Variants in NAPA observed in about 807,000 individuals in gnomAD.
NAPA encodes the protein NSF attachment protein alpha.
NAPA carries 18 observed loss-of-function variants against 48.0 expected under a neutral mutation model. That is an observed-to-expected ratio of 0.38 (90% CI 0.26 to 0.56). The LOEUF (loss-of-function observed/expected upper bound fraction) is 0.56, where lower values mean the gene tolerates loss of function less well. NAPA is among the 20% of genes least tolerant of loss of function. The pLI is 0.77. For synonymous variants in NAPA, 152 were observed against 149.9 expected (o/e 1.01, Z -0.10); for missense variants, 315 against 385.0 (o/e 0.82, Z 1.52).
At chr19:47,509,339 TA>T (rs1345180071) in intron 1 of NAPA, among the ~76,000 whole-genome samples, 2,597 of 124,438 alleles carry the variant, frequency 0.021, 35 homozygotes, top group Non-Finnish European at 0.033. Context: ...TAAAATAAAA[TA>T]AAATAAAATA....
chr19:47,489,649 G>A, intron 10 of NAPA, 62 bp downstream of exon 10: 6 of 1,571,950 alleles, frequency 3.8e-6, no homozygotes, highest in Non-Finnish European at 2.6e-6. Flanking sequence ...GTCTGAGAAG[G>A]GCAGCTTTCC....
At chr19:47,503,034 C>T (rs1236894025) in intron 2 of NAPA, among the ~76,000 whole-genome samples, 1 of 152,206 alleles carries the variant, frequency 6.6e-6, no homozygotes, top group African/African-American at 2.4e-5. Context: ...CAAACAGCAG[C>T]CATGATTCAC....
intron 1 of NAPA, among the ~76,000 whole-genome samples, chr19:47,505,106 G>C (rs1448391896): frequency 6.6e-6 from 1 of 152,102 alleles, no homozygotes; most frequent in Non-Finnish European, 1.5e-5. Context: ...CTTAGCCCGC[G>C]AGGTCTGTAG....
At chr19:47,504,556 G>A (rs1400083427) in intron 1 of NAPA, among the ~76,000 whole-genome samples, 1 of 151,924 alleles carries the variant, frequency 6.6e-6, no homozygotes, top group Non-Finnish European at 1.5e-5. Context: ...GGTGTGGGAG[G>A]CAGACTTATT....
Position 47,500,648 on chromosome 19 carries a change from T to G in NAPA, c.280A>C (p.Lys94Gln). The change falls in exon 3 of 11, where the codon AAA becomes CAA. Residue 94 changes from lysine to glutamine, a missense_variant. Lys to Gln is a moderately conservative substitution (Grantham distance 53). Around this residue, in one of 3 missense-constraint regions of NAPA, gnomAD observed 173 missense variants for 213.5 expected, o/e 0.81. Transcript: ENST00000263354. ...CFVDAGNAFK[K>Q]ADPQEAINCL... ...AGGCCCTCACCTTGGGGGTCGGCTT[T>G]CTTGAATGCGTTGCCAGCGTCCACA... The G allele has an allele frequency of 6.2e-7, 1 of 1,609,944 alleles. No homozygotes were observed. The highest frequency in any genetic ancestry group is 2.2e-5 in the East Asian group (1 of 44,556).
chr19:47,514,973 AC>A lies in NAPA; in HGVS notation c.-34del, dbSNP rs1968878673. The stretch of plus-strand genomic sequence containing the variant: ...ACAAAGGGACTCAGCAAAGCGCCTG[AC>A]CCTGACCCTGGGAAGACTCAGCCGC... On this transcript the variant is annotated 5_prime_UTR_variant, in exon 1 of 11. Coordinates refer to ENST00000263354, the MANE Select transcript of NAPA (RefSeq NM_003827.4). The A allele has an allele frequency of 1.2e-6, 2 of 1,601,944 alleles. No homozygotes were observed. The highest frequency in any genetic ancestry group is 2.2e-5 in the South Asian group (2 of 90,566).
intron 2 of NAPA, 31 bp downstream of exon 2, chr19:47,503,392 C>T (rs1023492546): frequency 2.1e-5 from 33 of 1,601,664 alleles, no homozygotes; most frequent in Non-Finnish European, 2.7e-5. Context: ...GAGGAGAGCA[C>T]CTTGGAGGAG....
chr19:47,497,001 G>A, intron 3 of NAPA: 1 of 331,438 alleles, frequency 3.0e-6, no homozygotes, highest in Non-Finnish European at 6.3e-6. Context: ...TGGCAAAAAG[G>A]GGGCAGATGA....
intron 1 of NAPA, among the ~76,000 whole-genome samples, chr19:47,507,500 AAGTC>A (rs1968715842): frequency 6.6e-6 from 1 of 152,042 alleles, no homozygotes; most frequent in Non-Finnish European, 1.5e-5. Flanking sequence ...AGGGTGGACA[AAGTC>A]AGGCCCCCAT....
chr19:47,492,227 G>A (rs1968289424), intron 7 of NAPA, 108 bp from the exon 8 acceptor site: 3 of 952,070 alleles, frequency 3.2e-6, no homozygotes, highest in African/African-American at 1.6e-5. Flanking sequence ...ATGTCCCGAG[G>A]TGAGGCCCTG....
At position 47,492,950 on chromosome 19, in the gene NAPA, C is replaced by A. The variant is rs757189327; in HGVS notation, c.561+11G>T. 4 of 1,613,874 alleles carry A rather than the reference C, an allele frequency of 2.5e-6. No homozygotes were observed. In the Admixed American group the frequency reaches 5.0e-5, roughly 20 times the overall value. On this transcript the variant is annotated intron_variant, in intron 7 of 10. Coordinates refer to ENST00000263354, the MANE Select transcript of NAPA (RefSeq NM_003827.4). Reference sequence around the variant, plus strand: ...GGCAGGGTGGAAGCCGCCATCCCCACCTGTCCCCACCTGTTCGTAGATGTC... The same window carrying A: ...GGCAGGGTGGAAGCCGCCATCCCCAACTGTCCCCACCTGTTCGTAGATGTC...
chr19:47,492,783 G>A (rs1211820769), intron 7 of NAPA, 178 bp downstream of exon 7: 2 of 712,026 alleles, frequency 2.8e-6, no homozygotes, highest in South Asian at 3.0e-5. Flanking sequence ...GTCGTAGGTG[G>A]AGAACATTCA....
In NAPA at chr19:47,515,008, C is replaced by G; in HGVS notation, c.-68G>C. 6.6e-6 allele frequency: 10 copies of G among 1,503,908 alleles called. 1 individual carries two copies. The South Asian group carries it at 1.2e-4, about 17-fold the overall frequency. 93.2% of individuals were successfully genotyped at this position (1,503,908 alleles called of 1,614,324 possible). A position where few individuals can be genotyped will look rare whatever the true frequency, so the allele number is the denominator to read the frequency against. ...TGGGAAGACTCAGCCGCGGCCGGGCCGCGGAACACAGATCGGTAAAACTCG... is the reference window on the plus strand; with the variant it reads ...TGGGAAGACTCAGCCGCGGCCGGGCGGCGGAACACAGATCGGTAAAACTCG... On this transcript the variant is annotated 5_prime_UTR_variant, in exon 1 of 11. Transcript: ENST00000263354.
At chr19:47,497,319 C>T (rs927786156) in intron 3 of NAPA, 1 of 154,024 alleles carries the variant, frequency 6.5e-6, no homozygotes. Context: ...CCACCTGGGC[C>T]TGCTGGCACT....
chr19:47,502,038 G>A (rs2122761281), intron 2 of NAPA, among the ~76,000 whole-genome samples: 1 of 151,814 alleles, frequency 6.6e-6, no homozygotes, highest in Admixed American at 6.6e-5. Context: ...ATCAGGAGAT[G>A]GAGACCATCC....
In NAPA at chr19:47,509,860, C is replaced by T. The variant is rs574556554; in HGVS notation, c.98+4983G>A. ...ATACGGATGCCCTCCTGCACCCCAA[C>T]GGGATTACATTTCACCACAGACCAA... On this transcript the variant is annotated intron_variant, in intron 1 of 10. Coordinates refer to ENST00000263354, the MANE Select transcript of NAPA (RefSeq NM_003827.4). Among the ~76,000 whole-genome samples the T allele has an allele frequency of 5.9e-5, 9 of 152,330 alleles. No individual in the cohort carries two copies. In the East Asian group the frequency reaches 7.7e-4, roughly 13 times the overall value.
In NAPA at chr19:47,504,415, A is replaced by AG. The variant is rs1384227085; in HGVS notation, c.99-914_99-913insC. Among the ~76,000 whole-genome samples, 5 of 151,722 alleles carry AG rather than the reference A, an allele frequency of 3.3e-5. No homozygotes were observed. In the East Asian group the frequency reaches 9.7e-4, roughly 29 times the overall value. On this transcript the variant is annotated intron_variant, in intron 1 of 10. Transcript: ENST00000263354. ...CTTGTCTCAAAAAAAAAAAAAAAAA[A>AG]AAAAAGAGAAAGAGAGTGAAAATAA...
intron 10 of NAPA, chr19:47,489,011 C>G (rs973501522): frequency 6.6e-6 from 1 of 152,422 alleles, no homozygotes; most frequent in African/African-American, 2.4e-5. Context: ...CCATGGGACA[C>G]GGGGGAGAGA....
intron 7 of NAPA, 95 bp from the exon 8 acceptor site, chr19:47,492,214 T>C: frequency 9.0e-7 from 1 of 1,113,776 alleles, no homozygotes; most frequent in South Asian, 1.4e-5. Context: ...TGGGAGCTGG[T>C]TCATGTCCCG....
Sources: allele counts gnomAD v4.1 joint callset (sites outside exome capture counted in the v4.1 genomes callset), GRCh38; gene constraint gnomAD v4.1.1; regional missense constraint gnomAD v4.1.1; transcripts MANE v1.5; gene names NCBI Gene and HGNC (gene_info 2026-07-23, HGNC 2026-07-21).